ESYT2: variants seen among roughly 807,000 people sequenced by gnomAD.
ESYT2 encodes extended synaptotagmin-2.
ESYT2 carries 54 observed loss-of-function variants against 107.2 expected under a neutral mutation model. The ratio of observed to expected loss-of-function variants is 0.50; its 90% CI spans 0.40 to 0.63. ESYT2 has a LOEUF of 0.63. Ranked by LOEUF, ESYT2 falls within the 30% of genes least tolerant of loss-of-function variation. The pLI is 0.00. For synonymous variants in ESYT2, 491 were observed against 434.1 expected, an observed-to-expected ratio of 1.13 and a Z score of -1.63; for missense variants, 1,020 against 1,094.5, an observed-to-expected ratio of 0.93 and a Z score of 0.96.
intron 1 of ESYT2, among the ~76,000 whole-genome samples, chr7:158,800,021 C>T (rs1032711973): frequency 6.6e-6 from 1 of 151,554 alleles, no homozygotes; most frequent in Non-Finnish European, 1.5e-5. Flanking sequence ...TTTGCATATG[C>T]GTATGATATT....
At chr7:158,798,961 A>C (rs955986553) in intron 2 of ESYT2, 70 bp downstream of exon 2, 1 of 1,495,772 alleles carries the variant, frequency 6.7e-7, no homozygotes, top group Non-Finnish European at 9.2e-7. Flanking sequence ...GCAAATCCCC[A>C]AATATGGAAA....
intron 6 of ESYT2, among the ~76,000 whole-genome samples, chr7:158,780,170 C>T (rs1243532470): frequency 6.6e-6 from 1 of 152,194 alleles, no homozygotes; most frequent in East Asian, 1.9e-4. Flanking sequence ...GATAAACTGG[C>T]CTTTATTTTC....
intron 1 of ESYT2, among the ~76,000 whole-genome samples, chr7:158,808,394 C>T (rs1839896496): frequency 6.6e-6 from 1 of 152,230 alleles, no homozygotes; most frequent in South Asian, 2.1e-4. Context: ...GTGGGATCGA[C>T]GTGCTCATTT....
At chr7:158,788,485 CA>C in intron 4 of ESYT2, 68 bp from the exon 5 acceptor site, 4 of 1,292,336 alleles carry the variant, frequency 3.1e-6, no homozygotes, top group Non-Finnish European at 3.3e-6. Flanking sequence ...TATAGACCTG[CA>C]AGATGTATAA....
At position 158,782,367 on chromosome 7, in the gene ESYT2, A is replaced by G. The variant is rs182612804; in HGVS notation, c.747+5637T>C. The stretch of plus-strand genomic sequence containing the variant: ...GTGAGTGTAAGAACGTGAGTGAACG[A>G]GTGTGAGAACAAAGTGAGGTAAGAA... On this transcript the variant is annotated intron_variant, in intron 6 of 22. Coordinates refer to ENST00000275418, the MANE Select transcript of ESYT2 (RefSeq NM_001367773.1). Among the ~76,000 whole-genome samples, 163 of 135,628 alleles carry G rather than the reference A, an allele frequency of 1.2e-3. 3 individuals carry two copies. Among genetic ancestry groups the G allele is most frequent in the African/African-American group, 4.5e-3 (156 of 34,990 alleles). The allele number at this position is 135,628 out of a possible 152,430, so 89.0% of individuals were successfully genotyped here. A position where few individuals can be genotyped will look rare whatever the true frequency, so the allele number is the denominator to read the frequency against.
intron 14 of ESYT2, 134 bp downstream of exon 14, chr7:158,752,647 T>C (rs895990130): frequency 3.0e-5 from 13 of 433,398 alleles, no homozygotes; most frequent in African/African-American, 2.5e-4. Flanking sequence ...ATAACAAAAG[T>C]AGGGTCTCTT....
At chr7:158,761,365 ATGT>A in intron 11 of ESYT2, 128 bp downstream of exon 11, 3 of 726,440 alleles carry the variant, frequency 4.1e-6, no homozygotes, top group South Asian at 3.6e-5. Flanking sequence ...TGTTAAGTAA[ATGT>A]TGTTCATGCC....
At chr7:158,738,344 GACACACACACACACAC>G (rs199580275) in intron 19 of ESYT2, among the ~76,000 whole-genome samples, 3 of 131,308 alleles carry the variant, frequency 2.3e-5, no homozygotes, top group Non-Finnish European at 3.1e-5. Flanking sequence ...CACACACACA[GACACACACACACACAC>G]ACACACACAC....
In ESYT2 at chr7:158,829,364, G is replaced by A. The variant is rs1349428560; in HGVS notation, c.55C>T (p.Arg19Cys). The A allele has an allele frequency of 1.5e-6, 2 of 1,363,958 alleles. No individual in the cohort carries two copies. Among genetic ancestry groups the A allele is most frequent in the Non-Finnish European group, 9.4e-7 (1 of 1,062,612 alleles). 84.5% of individuals were successfully genotyped at this position (1,363,958 alleles called of 1,614,324 possible). The stretch of plus-strand genomic sequence containing the variant: ...CCCCCGGGGTTCTCAGGCGCCGCGC[G>A]GCCCCCAGCCCCGCCGGCGCCCGCC... ...PEAGAGGAGG[R>C]AAPENPGGVL... Residue 19 changes from arginine (R) to cysteine (C), a missense_variant, in exon 1 of 23, where the codon CGC (arginine) becomes TGC (cysteine). Coordinates refer to ENST00000275418, the MANE Select transcript of ESYT2 (RefSeq NM_001367773.1).
chr7:158,761,864 T>C (rs1014828218), intron 10 of ESYT2, among the ~76,000 whole-genome samples: 6 of 152,164 alleles, frequency 3.9e-5, no homozygotes, highest in Admixed American at 1.3e-4. Flanking sequence ...TTCCCTACAA[T>C]GTTACATGCA....
intron 6 of ESYT2, among the ~76,000 whole-genome samples, chr7:158,774,126 C>T (rs753972640): frequency 5.9e-5 from 9 of 152,184 alleles, no homozygotes; most frequent in Non-Finnish European, 1.3e-4. Context: ...AATAAAATTA[C>T]TTGTGTTCTA....
chr7:158,741,465 C>T (rs1330514176), intron 18 of ESYT2, 58 bp downstream of exon 18: 12 of 1,384,862 alleles, frequency 8.7e-6, no homozygotes, highest in East Asian at 5.1e-5. Context: ...TCTCCCCCAG[C>T]GTGGGGTGGG....
intron 1 of ESYT2, among the ~76,000 whole-genome samples, chr7:158,803,490 TTTAC>T (rs1400022298): frequency 6.6e-6 from 1 of 152,118 alleles, no homozygotes; most frequent in Non-Finnish European, 1.5e-5. Context: ...ATACTACAGG[TTTAC>T]TTAAACAGAT....
chr7:158,814,442 A>C (rs973848845), intron 1 of ESYT2, among the ~76,000 whole-genome samples: 1 of 151,548 alleles, frequency 6.6e-6, no homozygotes, highest in African/African-American at 2.4e-5. Flanking sequence ...CAGATCAAAA[A>C]CGTTTTAAAA....
chr7:158,813,169 C>T (rs1212428605), intron 1 of ESYT2, among the ~76,000 whole-genome samples: 3 of 152,032 alleles, frequency 2.0e-5, no homozygotes, highest in Admixed American at 1.3e-4. Flanking sequence ...TGAAATAAAC[C>T]AATCTGAAAA....
chr7:158,816,100 G>A (rs1002380343), intron 1 of ESYT2, among the ~76,000 whole-genome samples: 1 of 152,180 alleles, frequency 6.6e-6, no homozygotes, highest in African/African-American at 2.4e-5. Flanking sequence ...CTATCCATAA[G>A]GCCCTAAATG....
chr7:158,767,677 G>A lies in ESYT2; in HGVS notation c.901C>T (p.Gln301Ter). ...VPLVSEVQIA[Q>*]LRFPVPKGVL... is the part of the protein sequence containing the mutation. ...ACCTTTGGTACAGGAAACCGCAACT[G>A]AGCTATTTGAACTTCACTGACAAGT... The change falls in exon 8 of 23, where the codon CAG (glutamine) becomes TAG (stop). Residue 301 changes from glutamine to a stop codon, truncating the protein, a stop_gained. Coordinates refer to ENST00000275418, the MANE Select transcript of ESYT2 (RefSeq NM_001367773.1). LOFTEE classifies it high-confidence loss of function. The A allele has an allele frequency of 1.2e-6, 2 of 1,612,508 alleles. No homozygotes were observed. Among genetic ancestry groups the A allele is most frequent in the South Asian group, 2.2e-5 (2 of 90,726 alleles).
chr7:158,805,112 G>A (rs925506286), intron 1 of ESYT2, among the ~76,000 whole-genome samples: 10 of 152,136 alleles, frequency 6.6e-5, no homozygotes, highest in African/African-American at 2.4e-4. Flanking sequence ...ATCTCTGCTC[G>A]TCCCCACAGC....
intron 1 of ESYT2, among the ~76,000 whole-genome samples, chr7:158,801,895 T>G (rs943629230): frequency 1.4e-4 from 22 of 152,222 alleles, no homozygotes; most frequent in African/African-American, 5.3e-4. Flanking sequence ...GACAGAACAT[T>G]TAACTGTGCT....
Sources: gnomAD v4.1 joint callset for allele counts (sites outside exome capture counted in the v4.1 genomes callset) on GRCh38, gnomAD v4.1.1 for gene constraint, MANE v1.5 for transcripts, NCBI Gene and HGNC (gene_info 2026-07-23, HGNC 2026-07-21) for gene names.